Variants in MEF2C observed in about 807,000 individuals in gnomAD.
MEF2C encodes the protein myocyte-specific enhancer factor 2C.
In MEF2C, 6 loss-of-function variants were observed where a neutral mutation model predicts 50.5. That is an observed-to-expected ratio of 0.12 (90% CI 0.07 to 0.23). MEF2C has a LOEUF of 0.23. MEF2C is among the 10% of genes least tolerant of loss of function. The pLI is 1.00. For synonymous variants in MEF2C, 183 were observed against 228.0 expected, an observed-to-expected ratio of 0.80 and a Z score of 1.78; for missense variants, 276 against 605.0, an observed-to-expected ratio of 0.46 and a Z score of 5.70.
intron 1 of MEF2C, among the ~76,000 whole-genome samples, chr5:88,836,641 TG>T (rs1177557015): frequency 6.6e-6 from 1 of 152,124 alleles, no homozygotes; most frequent in Non-Finnish European, 1.5e-5. Flanking sequence ...TGGGCCAGAG[TG>T]AGCTGAGACA....
chr5:88,850,764 A>G (rs1269520746), intron 1 of MEF2C, among the ~76,000 whole-genome samples: 1 of 152,006 alleles, frequency 6.6e-6, no homozygotes, highest in African/African-American at 2.4e-5. Flanking sequence ...TTAAGAAAGA[A>G]TATATATGTA....
chr5:88,863,491 T>C (rs986553456), intron 1 of MEF2C, among the ~76,000 whole-genome samples: 1 of 152,378 alleles, frequency 6.6e-6, no homozygotes, highest in Middle Eastern at 3.4e-3. Flanking sequence ...TGGATTTGTA[T>C]GCCCAAGTTC....
intron 3 of MEF2C, 39 bp from the exon 4 acceptor site, chr5:88,761,367 G>A: frequency 6.3e-7 from 1 of 1,584,802 alleles, no homozygotes; most frequent in Non-Finnish European, 8.6e-7. Context: ...CCTAGACAAA[G>A]GCTGTAAGAG....
intron 6 of MEF2C, chr5:88,735,892 T>A: frequency 1.0e-6 from 1 of 985,422 alleles, no homozygotes; most frequent in Non-Finnish European, 1.2e-6. Flanking sequence ...TTTCTTTTAT[T>A]TGGATGTTTA....
intron 1 of MEF2C, among the ~76,000 whole-genome samples, chr5:88,842,255 T>C (rs573834527): frequency 2.0e-5 from 3 of 152,242 alleles, no homozygotes; most frequent in Admixed American, 6.5e-5. Flanking sequence ...CCTACCTGTA[T>C]TTGGGTGCTA....
intron 3 of MEF2C, among the ~76,000 whole-genome samples, chr5:88,797,061 T>A (rs897205688): frequency 1.3e-5 from 2 of 152,188 alleles, no homozygotes; most frequent in Non-Finnish European, 2.9e-5. Context: ...AGTTTTAGGA[T>A]AAGTGTGATA....
At chr5:88,737,772 C>T (rs772992146) in intron 6 of MEF2C, 33 of 985,152 alleles carry the variant, frequency 3.3e-5, no homozygotes, top group East Asian at 1.1e-4. Context: ...GAAAGTTTTC[C>T]GAAGTTGAAA....
At chr5:88,751,293 A>G in intron 5 of MEF2C, 3 of 985,452 alleles carry the variant, frequency 3.0e-6, no homozygotes, top group Non-Finnish European at 3.6e-6. Context: ...GCAGGTGTAC[A>G]TGTGTTTAAT....
intron 3 of MEF2C, chr5:88,766,544 A>G: frequency 2.9e-6 from 2 of 697,382 alleles, no homozygotes; most frequent in Non-Finnish European, 3.5e-6. Flanking sequence ...TCAGAGAACC[A>G]CCATCACAGA....
chr5:88,855,950 G>C (rs952720830), intron 1 of MEF2C, among the ~76,000 whole-genome samples: 1 of 152,132 alleles, frequency 6.6e-6, no homozygotes, highest in Non-Finnish European at 1.5e-5. Flanking sequence ...TTTGGAACTG[G>C]GTAACAGGCA....
At chr5:88,872,781 A>G (rs959457536) in intron 1 of MEF2C, among the ~76,000 whole-genome samples, 2 of 151,986 alleles carry the variant, frequency 1.3e-5, no homozygotes, top group Non-Finnish European at 2.9e-5. Flanking sequence ...TCATTAAAAC[A>G]CCTGCCTAAA....
intron 1 of MEF2C, among the ~76,000 whole-genome samples, chr5:88,857,189 A>G (rs924646966): frequency 2.6e-5 from 4 of 152,160 alleles, no homozygotes; most frequent in African/African-American, 9.7e-5. Flanking sequence ...TTTAAAGCTT[A>G]ATGACTGTCC....
intron 3 of MEF2C, among the ~76,000 whole-genome samples, chr5:88,782,771 C>T (rs964492169): frequency 6.6e-6 from 1 of 152,148 alleles, no homozygotes; most frequent in African/African-American, 2.4e-5. Flanking sequence ...CTGTCTTTTC[C>T]AGCGGAACCT....
intron 1 of MEF2C, among the ~76,000 whole-genome samples, chr5:88,893,331 T>TA (rs1455825247): frequency 1.3e-5 from 2 of 148,500 alleles, no homozygotes; most frequent in South Asian, 2.1e-4. Flanking sequence ...TTTTTTTTTT[T>TA]ATGGAGTCTT....
rs181106370 is a variant in MEF2C at position 88,720,148 on chromosome 5, G to C, written c.*2456C>G. The C allele has an allele frequency of 6.6e-6, 1 of 152,054 alleles. No individual in the cohort carries two copies. Among genetic ancestry groups the C allele is most frequent in the Non-Finnish European group, 1.5e-5 (1 of 67,966 alleles). 9.4% of individuals were successfully genotyped at this position (152,054 alleles called of 1,614,324 possible). A position where few individuals can be genotyped will look rare whatever the true frequency, so the allele number is the denominator to read the frequency against. On this transcript the variant is annotated 3_prime_UTR_variant, in exon 11 of 11. Transcript: ENST00000504921. ...TATTTTATACACATCAAGTTAGAAG[G>C]ATGGGTTGTAAGGATGGGATCAAGT...
chr5:88,831,378 G>A (rs531892504), intron 1 of MEF2C, among the ~76,000 whole-genome samples: 10 of 151,710 alleles, frequency 6.6e-5, no homozygotes, highest in East Asian at 1.9e-4. Flanking sequence ...CTAAAAGGAC[G>A]TTCTCAGTAA....
In MEF2C at chr5:88,825,566, TATAAC is replaced by T. The variant is rs1442941570; in HGVS notation, c.-142-1641_-142-1637del. 36 of 979,930 alleles carry T rather than the reference TATAAC, an allele frequency of 3.7e-5. No homozygotes were observed. In the South Asian group the frequency reaches 7.1e-4, roughly 19 times the overall value. The allele number at this position is 979,930 out of a possible 1,614,324, so 60.7% of individuals were successfully genotyped here. A position where few individuals can be genotyped will look rare whatever the true frequency, so the allele number is the denominator to read the frequency against. On this transcript the variant is annotated intron_variant, in intron 1 of 10. Coordinates refer to ENST00000504921, the MANE Select transcript of MEF2C (RefSeq NM_002397.5). ...TTTGACAAATACATATAAAAATAGT[TATAAC>T]ATATTGAAATCACATTAAAATATGA... is the stretch of plus-strand genomic sequence containing the variant.
At chr5:88,826,708 A>G (rs1258558044) in intron 1 of MEF2C, among the ~76,000 whole-genome samples, 2 of 152,122 alleles carry the variant, frequency 1.3e-5, no homozygotes, top group African/African-American at 4.8e-5. Context: ...GTAATCTGTA[A>G]AACTGTTTTG....
At chr5:88,790,872 G>A (rs1793441767) in intron 3 of MEF2C, among the ~76,000 whole-genome samples, 1 of 152,120 alleles carries the variant, frequency 6.6e-6, no homozygotes, top group Non-Finnish European at 1.5e-5. Flanking sequence ...GGAAAGGAGA[G>A]GGATTTGTAA....
Sources: allele counts gnomAD v4.1 joint callset (sites outside exome capture counted in the v4.1 genomes callset), GRCh38; gene constraint gnomAD v4.1.1; transcripts MANE v1.5; gene names NCBI Gene and HGNC (gene_info 2026-07-23, HGNC 2026-07-21).